The following SLC6A14 variants were observed in gnomAD, a reference collection of about 807,000 sequenced individuals.
SLC6A14 encodes solute carrier family 6 member 14.
In SLC6A14, 21 loss-of-function variants were observed where a neutral mutation model predicts 51.4. That is an observed-to-expected ratio of 0.41 (90% CI 0.29 to 0.59). The LOEUF (loss-of-function observed/expected upper bound fraction) is 0.59, where lower values mean the gene tolerates loss of function less well. Ranked by LOEUF, SLC6A14 falls within the 20% of genes least tolerant of loss-of-function variation. The pLI, the probability that SLC6A14 is intolerant of heterozygous loss-of-function variation, is 0.31. For synonymous variants in SLC6A14, 177 were observed against 160.7 expected, an observed-to-expected ratio of 1.10 and a Z score of -0.77; for missense variants, 371 against 472.8, an observed-to-expected ratio of 0.78 and a Z score of 2.00.
chrX:116,454,859 G>A (rs1927895298), intron 10 of SLC6A14, 118 bp from the exon 11 acceptor site: 1 of 516,560 alleles, frequency 1.9e-6, no homozygotes, highest in African/African-American at 2.4e-5. Context: ...TCGCATTTTA[G>A]CAGAAGGGAA....
chrX:116,440,558 T>C (rs1927574528), intron 2 of SLC6A14, among the ~76,000 whole-genome samples: 1 of 111,884 alleles, frequency 8.9e-6, no homozygotes, highest in Non-Finnish European at 1.9e-5. Flanking sequence ...TATGACAAAC[T>C]GAGTTGGCAT....
At position 116,453,155 on chromosome X, in the gene SLC6A14, T is replaced by G. The variant is rs1254902071; in HGVS notation, c.1285+13T>G. ...TTTGCTTCGATTGGTAAGTAATACT[T>G]CCAGTGGTAACATATTCCTCTTATA... On this transcript the variant is annotated intron_variant, in intron 9 of 13. Transcript: ENST00000598581. 1 of 1,178,444 alleles carries G rather than the reference T, an allele frequency of 8.5e-7. No homozygotes were observed. The highest frequency in any genetic ancestry group is 2.3e-5 in the Admixed American group (1 of 42,675).
Position 116,454,356 on chromosome X carries a change from C to T in SLC6A14, c.1318C>T (p.Pro440Ser), listed in dbSNP as rs1471598061. 8.3e-7 allele frequency: 1 copy of T among 1,202,489 alleles called. No individual in the cohort carries two copies. Among genetic ancestry groups the T allele is most frequent in the African/African-American group, 1.7e-5 (1 of 57,537 alleles). ...CACAACAACAATTCAAGATTTATTT[C>T]CCAAAGTGATGAAGAAAATGAGGGT... is the stretch of plus-strand genomic sequence containing the variant. The part of the protein sequence containing the change: ...TITTTIQDLF[P>S]KVMKKMRVPI... The change falls in exon 10 of 14, where the codon CCC becomes TCC. Residue 440 changes from proline to serine, a missense_variant. Pro to Ser is a moderately conservative substitution (Grantham distance 74). Around this residue, in one of 2 missense-constraint regions of SLC6A14, gnomAD observed 277 missense variants for 391.8 expected, o/e 0.71. Coordinates refer to ENST00000598581, the MANE Select transcript of SLC6A14 (RefSeq NM_007231.5).
At chrX:116,450,188 A>G (rs1927795748) in intron 7 of SLC6A14, among the ~76,000 whole-genome samples, 1 of 111,750 alleles carries the variant, frequency 8.9e-6, no homozygotes, top group African/African-American at 3.3e-5. Flanking sequence ...TCATCAAAGG[A>G]CACAATGTTA....
chrX:116,444,888 T>C (rs781945857), intron 5 of SLC6A14, 30 bp from the exon 6 acceptor site: 8 of 1,204,202 alleles, frequency 6.6e-6, no homozygotes, highest in Non-Finnish European at 9.0e-6. Flanking sequence ...CAAGTGATTC[T>C]GTGATCATAA....
chrX:116,444,272 A>G (rs148328522), intron 5 of SLC6A14, among the ~76,000 whole-genome samples: 2,407 of 112,017 alleles, frequency 0.021, 73 homozygotes, highest in African/African-American at 0.075. Flanking sequence ...TACTTACTCT[A>G]TATCTATCCA....
At chrX:116,455,144 T>C in intron 11 of SLC6A14, 68 bp downstream of exon 11, 1 of 803,410 alleles carries the variant, frequency 1.2e-6, no homozygotes, top group Non-Finnish European at 1.8e-6. Flanking sequence ...ATTTTCATTA[T>C]ATTTACCTAA....
In SLC6A14 at chrX:116,459,899, A is replaced by G. The variant is rs1477064635; in HGVS notation, c.*944A>G. On this transcript the variant is annotated 3_prime_UTR_variant, in exon 14 of 14. Transcript: ENST00000598581. ...GTCTTATATGAGTAAGTTACTACTT[A>G]CAGGTGATAACTTGCATACTATTGG... The G allele has an allele frequency of 2.7e-5, 3 of 112,108 alleles. No individual in the cohort carries two copies. The highest frequency in any genetic ancestry group is 5.6e-5 in the Non-Finnish European group (3 of 53,115). The allele number at this position is 112,108 out of a possible 1,213,427, so 9.2% of individuals were successfully genotyped here.
chrX:116,442,655 G>C (rs577677467), intron 3 of SLC6A14, 32 bp from the exon 4 acceptor site: 2 of 1,070,277 alleles, frequency 1.9e-6, no homozygotes, highest in Non-Finnish European at 2.4e-6. Flanking sequence ...ACTTGAGTTT[G>C]GTTTTTATTT....
chrX:116,453,492 T>C lies in SLC6A14; in HGVS notation c.1285+350T>C, dbSNP rs191098496. On this transcript the variant is annotated intron_variant, in intron 9 of 13. Coordinates refer to ENST00000598581, the MANE Select transcript of SLC6A14 (RefSeq NM_007231.5). ...TCTATCCATGTTTATATACATTTTA[T>C]ATGTCTGTACATATCATATACATTT... Among the ~76,000 whole-genome samples the C allele has an allele frequency of 3.1e-3, 341 of 111,292 alleles. 1 individual carries two copies. The highest frequency in any genetic ancestry group is 0.01 in the African/African-American group (320 of 30,826).
chrX:116,457,468 C>T, intron 12 of SLC6A14, 141 bp from the exon 13 acceptor site: 2 of 461,603 alleles, frequency 4.3e-6, no homozygotes, highest in South Asian at 6.4e-5. Flanking sequence ...GGCTTGTTAC[C>T]TGATTATTTC....
rs782131785 is a variant in SLC6A14, at chrX:116,442,714, C to T, written c.374C>T (p.Ser125Phe). The T allele has an allele frequency of 2.2e-5, 25 of 1,145,708 alleles. No individual in the cohort carries two copies. Among genetic ancestry groups the T allele is most frequent in the Non-Finnish European group, 2.9e-5 (25 of 866,891 alleles). 94.4% of individuals were successfully genotyped at this position (1,145,708 alleles called of 1,213,427 possible). Residue 125 changes from serine (S) to phenylalanine (F), a missense_variant, in exon 4 of 14, where the codon TCC becomes TTC. Transcript: ENST00000598581. ...QGVGITMVLISIFVTIYYNVI... is the reference protein window; with the variant it reads ...QGVGITMVLIFIFVTIYYNVI... ...GTGGGAATTACAATGGTCCTGATCT[C>T]CATTTTTGTGACAATCTATTACAAT... is the stretch of plus-strand genomic sequence containing the variant.
chrX:116,455,074 A>G lies in SLC6A14; in HGVS notation c.1502A>G (p.Tyr501Cys), dbSNP rs1556694672. ...GAGCTAGTTGGAATCATCTGGATTT[A>G]TGGTAAATAGTAACTATAAAATTAT... ...ILELVGIIWI[Y>C]GGNRFIEDTE... The change falls in exon 11 of 14, where the codon TAT becomes TGT. Residue 501 changes from tyrosine to cysteine, a missense_variant and splice_region_variant. Around this residue, in one of 2 missense-constraint regions of SLC6A14, gnomAD observed 277 missense variants for 391.8 expected, o/e 0.71. Coordinates refer to ENST00000598581, the MANE Select transcript of SLC6A14 (RefSeq NM_007231.5). The G allele has an allele frequency of 8.8e-7, 1 of 1,140,778 alleles. No individual in the cohort carries two copies. Among genetic ancestry groups the G allele is most frequent in the Non-Finnish European group, 1.2e-6 (1 of 834,545 alleles). The allele number at this position is 1,140,778 out of a possible 1,213,427, so 94.0% of individuals were successfully genotyped here.
Position 116,455,409 on chromosome X carries a change from G to A in SLC6A14, c.1557G>A (p.Trp519Ter). ...DTEMMIGAKR[W>*]IFWLWWRACW... ...AAATGATGATTGGAGCAAAGAGGTGGATATTCTGGCTATGGTGGAGAGCTT... is the reference window on the plus strand; with the variant it reads ...AAATGATGATTGGAGCAAAGAGGTGAATATTCTGGCTATGGTGGAGAGCTT... Residue 519 changes from tryptophan (W) to a stop codon, truncating the protein, a stop_gained, in exon 12 of 14, where the codon TGG (tryptophan) becomes TGA (stop). Transcript: ENST00000598581. LOFTEE classifies it high-confidence loss of function. The A allele has an allele frequency of 8.3e-7, 1 of 1,208,094 alleles. No individual in the cohort carries two copies. The highest frequency in any genetic ancestry group is 1.1e-6 in the Non-Finnish European group (1 of 892,796).
intron 4 of SLC6A14, among the ~76,000 whole-genome samples, chrX:116,443,201 A>G (rs182189700): frequency 2.4e-4 from 27 of 111,446 alleles, no homozygotes; most frequent in African/African-American, 7.8e-4. Context: ...CTTTGGGATA[A>G]CGTACCATCC....
rs1286211768 is a variant in SLC6A14 at position 116,455,146 on chromosome X, T to G, written c.1504+70T>G. The stretch of plus-strand genomic sequence containing the variant: ...TTTAGTTTGATTCATTTTCATTATA[T>G]TTACCTAATTATACTATTAATTTTT... On this transcript the variant is annotated intron_variant, in intron 11 of 13. Coordinates refer to ENST00000598581, the MANE Select transcript of SLC6A14 (RefSeq NM_007231.5). The G allele has an allele frequency of 1.1e-5, 9 of 787,169 alleles. No homozygotes were observed. In the South Asian group the frequency reaches 1.7e-4, roughly 15 times the overall value. 64.9% of individuals were successfully genotyped at this position (787,169 alleles called of 1,213,427 possible).
chrX:116,444,817 T>C (rs1264086980), intron 5 of SLC6A14, 101 bp from the exon 6 acceptor site: 14 of 849,586 alleles, frequency 1.6e-5, no homozygotes, highest in Non-Finnish European at 2.4e-5. Context: ...TAAGATACAA[T>C]ATTCATGAAG....
chrX:116,449,616 G>A (rs1326408955), intron 7 of SLC6A14, among the ~76,000 whole-genome samples: 4 of 112,100 alleles, frequency 3.6e-5, no homozygotes, highest in Non-Finnish European at 7.5e-5. Context: ...AAAAGAAAAA[G>A]GCCAAAACCC....
intron 6 of SLC6A14, among the ~76,000 whole-genome samples, chrX:116,446,183 G>A (rs1440612406): frequency 1.9e-5 from 2 of 102,779 alleles, no homozygotes; most frequent in African/African-American, 3.4e-5. Context: ...GGAACCATGT[G>A]TTATCTAGTA....
Sources: gnomAD v4.1 joint callset for allele counts (sites outside exome capture counted in the v4.1 genomes callset) on GRCh38, gnomAD v4.1.1 for gene constraint, gnomAD v4.1.1 regional missense constraint, MANE v1.5 for transcripts, NCBI Gene and HGNC (gene_info 2026-07-23, HGNC 2026-07-21) for gene names.